Variants in CHMP4C observed in about 807,000 individuals in gnomAD.
The protein encoded by CHMP4C is charged multivesicular body protein 4C.
A neutral mutation model predicts 29.0 loss-of-function variants in CHMP4C; 28 were observed. The ratio of observed to expected loss-of-function variants is 0.97; its 90% CI spans 0.72 to 1.32. The LOEUF (loss-of-function observed/expected upper bound fraction) is 1.32, where lower values mean the gene tolerates loss of function less well. CHMP4C is among the 40% of genes most tolerant of loss of function. CHMP4C has a pLI of 0.00. For synonymous variants in CHMP4C, 106 were observed against 102.4 expected (o/e 1.04, Z -0.21); for missense variants, 291 against 281.0 (o/e 1.04, Z -0.25).
chr8:81,743,510 T>C (rs756031731), intron 1 of CHMP4C, among the ~76,000 whole-genome samples: 1 of 152,088 alleles, frequency 6.6e-6, no homozygotes, highest in Non-Finnish European at 1.5e-5. Flanking sequence ...ATTAATTAGA[T>C]TTTTACAAAG....
intron 1 of CHMP4C, among the ~76,000 whole-genome samples, chr8:81,748,916 ACT>A (rs1008781888): frequency 1.6e-5 from 2 of 125,688 alleles, no homozygotes; most frequent in Non-Finnish European, 3.3e-5. Context: ...ACAGAGTGAG[ACT>A]CTGTGTAAAA....
chr8:81,735,253 C>T (rs1808672917), intron 1 of CHMP4C, among the ~76,000 whole-genome samples: 1 of 152,090 alleles, frequency 6.6e-6, no homozygotes, highest in Non-Finnish European at 1.5e-5. Flanking sequence ...GTGTTAGTGT[C>T]TAGAAACTCC....
chr8:81,743,977 G>T (rs1808793936), intron 1 of CHMP4C, among the ~76,000 whole-genome samples: 1 of 152,132 alleles, frequency 6.6e-6, no homozygotes, highest in South Asian at 2.1e-4. Flanking sequence ...TTACTAGCTT[G>T]CTTATAGCAA....
At chr8:81,745,557 G>A (rs1381208208) in intron 1 of CHMP4C, among the ~76,000 whole-genome samples, 1 of 152,178 alleles carries the variant, frequency 6.6e-6, no homozygotes, top group Non-Finnish European at 1.5e-5. Flanking sequence ...TGGCATAAAT[G>A]ACTGAAAGCC....
chr8:81,755,085 A>G (rs74758321), intron 2 of CHMP4C, among the ~76,000 whole-genome samples: 8,493 of 152,250 alleles, frequency 0.056, 248 homozygotes, highest in Middle Eastern at 0.13. Context: ...GCCCTATCAG[A>G]CAAAATTTCA....
intron 1 of CHMP4C, among the ~76,000 whole-genome samples, chr8:81,734,796 T>C (rs1808665785): frequency 6.6e-6 from 1 of 152,186 alleles, no homozygotes; most frequent in Non-Finnish European, 1.5e-5. Flanking sequence ...AATTTGACTT[T>C]ATGAATAAAG....
chr8:81,751,457 G>A (rs1396264339), intron 1 of CHMP4C, among the ~76,000 whole-genome samples: 1 of 151,892 alleles, frequency 6.6e-6, no homozygotes, highest in East Asian at 1.9e-4. Context: ...GAGTGGGAAG[G>A]GAATCTTATT....
intron 1 of CHMP4C, among the ~76,000 whole-genome samples, chr8:81,739,541 C>A (rs942919918): frequency 7.9e-5 from 12 of 151,976 alleles, no homozygotes; most frequent in Admixed American, 4.6e-4. Context: ...GAAACATGAT[C>A]CTCCCCTCAA....
At chr8:81,739,868 T>A (rs138942518) in intron 1 of CHMP4C, among the ~76,000 whole-genome samples, 3 of 152,172 alleles carry the variant, frequency 2.0e-5, no homozygotes. Context: ...CTTTTTCCCA[T>A]TGGATGTGGA....
chr8:81,748,887 A>C (rs920439358), intron 1 of CHMP4C, among the ~76,000 whole-genome samples: 1 of 148,804 alleles, frequency 6.7e-6, no homozygotes, highest in Admixed American at 6.9e-5. Context: ...AGATCGCGCC[A>C]CTGCACTCCA....
chr8:81,749,599 G>A (rs1328073681), intron 1 of CHMP4C, among the ~76,000 whole-genome samples: 2 of 152,156 alleles, frequency 1.3e-5, no homozygotes, highest in East Asian at 1.9e-4. Context: ...ATAAAGGGTG[G>A]AGCTCTGAAG....
At chr8:81,734,461 G>A (rs574271856) in intron 1 of CHMP4C, among the ~76,000 whole-genome samples, 1 of 139,208 alleles carries the variant, frequency 7.2e-6, no homozygotes, top group South Asian at 2.5e-4. Flanking sequence ...CTCCCGAGTC[G>A]CTGGGATTAC....
rs1275837314 is a variant in CHMP4C at position 81,758,692 on chromosome 8, A to G, written c.*148A>G. On this transcript the variant is annotated 3_prime_UTR_variant, in exon 5 of 5. Coordinates refer to ENST00000297265, the MANE Select transcript of CHMP4C (RefSeq NM_152284.4). ...TTTAAGCCTCCTAAGTAAAAGTAAA[A>G]AAGGAGTCATGTGCATACATAGAAT... 6.2e-6 allele frequency: 4 copies of G among 641,668 alleles called. No individual in the cohort carries two copies. Among genetic ancestry groups the G allele is most frequent in the Admixed American group, 2.8e-5 (1 of 35,852 alleles). The allele number at this position is 641,668 out of a possible 1,614,324, so 39.7% of individuals were successfully genotyped here.
chr8:81,735,434 CATAGTTA>C (rs142303463), intron 1 of CHMP4C, among the ~76,000 whole-genome samples: 11,555 of 152,180 alleles, frequency 0.076, 587 homozygotes, highest in African/African-American at 0.14. Flanking sequence ...ACTTCATATA[CATAGTTA>C]ACTGTCTTCT....
intron 1 of CHMP4C, among the ~76,000 whole-genome samples, chr8:81,739,034 A>G (rs948734202): frequency 1.3e-5 from 2 of 148,862 alleles, no homozygotes; most frequent in Admixed American, 1.3e-4. Flanking sequence ...CTCTATCATC[A>G]CTCAGATAAT....
chr8:81,735,776 T>C (rs1252629567), intron 1 of CHMP4C, among the ~76,000 whole-genome samples: 1 of 152,120 alleles, frequency 6.6e-6, no homozygotes, highest in East Asian at 1.9e-4. Flanking sequence ...TGAAAAACTT[T>C]TAATTAGCAT....
intron 2 of CHMP4C, 35 bp downstream of exon 2, chr8:81,753,276 T>A (rs765708533): frequency 1.3e-6 from 2 of 1,530,630 alleles, no homozygotes; most frequent in East Asian, 2.3e-5. Flanking sequence ...AATCATAAAT[T>A]CCCTCAGTGT....
In CHMP4C at chr8:81,758,260, C is replaced by A; in HGVS notation, c.602C>A (p.Pro201Gln). ...SSLPAQPNRK[P>Q]GMSSTARRSR... ...CTCCCAGCACAGCCAAATAGAAAAC[C>A]AGGCATGTCGTCCACTGCACGTCGA... The change falls in exon 4 of 5, where the codon CCA (proline) becomes CAA (glutamine). Residue 201 changes from proline to glutamine, a missense_variant. Physicochemically the swap from Pro to Gln is moderately conservative, Grantham distance 76. Transcript: ENST00000297265. The A allele has an allele frequency of 6.2e-7, 1 of 1,614,004 alleles. No individual in the cohort carries two copies. The highest frequency in any genetic ancestry group is 2.2e-5 in the East Asian group (1 of 44,874).
intron 1 of CHMP4C, among the ~76,000 whole-genome samples, chr8:81,734,933 G>T (rs1378490855): frequency 6.6e-6 from 1 of 150,726 alleles, no homozygotes; most frequent in Non-Finnish European, 1.5e-5. Context: ...TTACTCTATC[G>T]CCCAGGCTGG....
Sources: allele counts gnomAD v4.1 joint callset (sites outside exome capture counted in the v4.1 genomes callset), GRCh38; gene constraint gnomAD v4.1.1; transcripts MANE v1.5; gene names NCBI Gene and HGNC (gene_info 2026-07-23, HGNC 2026-07-21).